Variants in DNAH8 observed in about 807,000 individuals in gnomAD.
DNAH8 encodes dynein axonemal heavy chain 8, also known as axonemal beta dynein heavy chain 8.
Under a neutral mutation model 562.1 loss-of-function variants are expected in DNAH8, and 382 were observed. The ratio of observed to expected loss-of-function variants is 0.68; its 90% CI spans 0.63 to 0.74. The LOEUF is 0.74. Ranked by LOEUF, DNAH8 falls within the 30% of genes least tolerant of loss-of-function variation. The pLI, the probability that DNAH8 is intolerant of heterozygous loss-of-function variation, is 0.00. For missense variants in DNAH8, 5,203 were observed against 5,620.4 expected (o/e 0.93, Z 2.37); for synonymous variants, 1,881 against 1,919.4 (o/e 0.98, Z 0.52).
At chr6:38,918,207 A>T in intron 70 of DNAH8, 67 bp downstream of exon 70, 1 of 1,170,992 alleles carries the variant, frequency 8.5e-7, no homozygotes, top group Non-Finnish European at 1.2e-6. Context: ...TATTACTGCT[A>T]TTAAAAGACA....
intron 8 of DNAH8, among the ~76,000 whole-genome samples, chr6:38,744,768 C>T (rs1467470665): frequency 6.6e-6 from 1 of 151,920 alleles, no homozygotes; most frequent in East Asian, 1.9e-4. Context: ...AATTTTTAAA[C>T]AATTTTTTTT....
At chr6:38,894,437 G>T (rs977738661) in intron 58 of DNAH8, among the ~76,000 whole-genome samples, 1 of 152,124 alleles carries the variant, frequency 6.6e-6, no homozygotes, top group African/African-American at 2.4e-5. Flanking sequence ...GCCAACTGAT[G>T]GTAGTAGAAC....
intron 82 of DNAH8, among the ~76,000 whole-genome samples, chr6:38,959,064 G>A (rs1762450456): frequency 6.6e-6 from 1 of 152,066 alleles, no homozygotes; most frequent in South Asian, 2.1e-4. Context: ...GAAAGAACTG[G>A]ATAAGATTCA....
intron 57 of DNAH8, among the ~76,000 whole-genome samples, chr6:38,888,946 T>A (rs1255964401): frequency 2.0e-5 from 3 of 152,258 alleles, no homozygotes; most frequent in Admixed American, 2.0e-4. Context: ...GAAGTCCTTT[T>A]CTATCCGGAC....
intron 28 of DNAH8, among the ~76,000 whole-genome samples, 177 bp downstream of exon 28, chr6:38,823,865 T>C (rs377324354): frequency 6.6e-6 from 1 of 152,194 alleles, no homozygotes. Context: ...AATATTATTA[T>C]ACCATTAAAA....
intron 42 of DNAH8, among the ~76,000 whole-genome samples, chr6:38,859,587 G>T (rs1646315656): frequency 6.6e-6 from 1 of 152,200 alleles, no homozygotes; most frequent in African/African-American, 2.4e-5. Flanking sequence ...CTCTGAATGG[G>T]CAGGACTGGT....
chr6:38,887,544 A>C lies in DNAH8; in HGVS notation c.8473+540A>C, dbSNP rs1779023968. Among the ~76,000 whole-genome samples the C allele has an allele frequency of 2.0e-5, 3 of 152,104 alleles. No individual in the cohort carries two copies. The South Asian group carries it at 6.2e-4, about 32-fold the overall frequency. On this transcript the variant is annotated intron_variant, in intron 57 of 92. Transcript: ENST00000327475. ...CTCATAGAGAGACCCCATTTCTACA[A>C]AAAATTTAAAACATTAGCTGGGCAT...
chr6:38,965,230 ATATAT>A (rs1479349632), intron 82 of DNAH8, among the ~76,000 whole-genome samples: 2 of 152,142 alleles, frequency 1.3e-5, no homozygotes, highest in South Asian at 2.1e-4. Context: ...GTGATATTCC[ATATAT>A]TATATAATAC....
chr6:39,011,051 C>T (rs998157309), intron 89 of DNAH8, among the ~76,000 whole-genome samples: 2 of 152,104 alleles, frequency 1.3e-5, no homozygotes, highest in Admixed American at 6.6e-5. Context: ...ATATAGTTTG[C>T]TCCACCCGCA....
chr6:38,847,258 C>A (rs570620270), intron 36 of DNAH8, among the ~76,000 whole-genome samples: 2 of 152,058 alleles, frequency 1.3e-5, no homozygotes, highest in African/African-American at 4.8e-5. Context: ...TAGCTATGCT[C>A]GATTTTATTT....
chr6:38,807,353 G>T (rs1270277493), intron 23 of DNAH8, among the ~76,000 whole-genome samples: 1 of 152,144 alleles, frequency 6.6e-6, no homozygotes, highest in African/African-American at 2.4e-5. Flanking sequence ...CATACTGTTT[G>T]TGAATTTTGG....
chr6:38,953,503 T>C (rs1408288957), intron 82 of DNAH8, among the ~76,000 whole-genome samples: 1 of 152,224 alleles, frequency 6.6e-6, no homozygotes, highest in Admixed American at 6.5e-5. Context: ...GGTTTCCGTT[T>C]CTTGGTCCTA....
chr6:38,747,384 C>CTTTTT (rs55729629), intron 8 of DNAH8, among the ~76,000 whole-genome samples: 42 of 113,596 alleles, frequency 3.7e-4, no homozygotes, highest in East Asian at 8.4e-4. Context: ...TTTTCTTTTT[C>CTTTTT]TTTTTTTTTT....
At chr6:38,971,810 G>C (rs1418063454) in intron 83 of DNAH8, 145 bp downstream of exon 83, 16 of 501,652 alleles carry the variant, frequency 3.2e-5, no homozygotes, top group Non-Finnish European at 5.4e-5. Context: ...CCTCAGTCTA[G>C]TTTCCTCCTG....
At position 38,852,737 on chromosome 6, in the gene DNAH8, T is replaced by C. The variant is rs750511268; in HGVS notation, c.5510T>C (p.Phe1837Ser). Residue 1837 changes from phenylalanine (F) to serine (S), a missense_variant, in exon 40 of 93, where the codon TTT becomes TCT. Around this residue, in one of 6 missense-constraint regions of DNAH8, gnomAD observed 2,176 missense variants for 2,365.1 expected, o/e 0.92. Transcript: ENST00000327475. ...AVSDNINEVT[F>S]HAKDYDRIMA... ...TCTGACAACATCAATGAGGTGACAT[T>C]TCATGCAAAAGACTATGATCGCATC... 4 of 1,613,802 alleles carry C rather than the reference T, an allele frequency of 2.5e-6. No homozygotes were observed. In the East Asian group the frequency reaches 8.9e-5, roughly 36 times the overall value.
At chr6:38,947,750 C>CT (rs34044479) in intron 80 of DNAH8, among the ~76,000 whole-genome samples, 45,469 of 146,612 alleles carry the variant, frequency 0.31, 7,179 homozygotes, top group African/African-American at 0.36. Context: ...AAATCCTCTT[C>CT]TTTTTTTTTT....
Position 38,846,173 on chromosome 6 carries a change from G to A in DNAH8, c.5045+400G>A, listed in dbSNP as rs577034903. Among the ~76,000 whole-genome samples the A allele has an allele frequency of 2.0e-5, 3 of 152,220 alleles. No individual in the cohort carries two copies. In the South Asian group the frequency reaches 6.2e-4, roughly 32 times the overall value. ...CCCGGGAAAAGCCTGCTGGCCACCCGTGAGAGCAATCTACCACTACAGCAA... is the reference window on the plus strand; with the variant it reads ...CCCGGGAAAAGCCTGCTGGCCACCCATGAGAGCAATCTACCACTACAGCAA... On this transcript the variant is annotated intron_variant, in intron 36 of 92. Coordinates refer to ENST00000327475, the MANE Select transcript of DNAH8 (RefSeq NM_001206927.2).
chr6:38,975,140 G>C (rs1253927854), intron 85 of DNAH8, among the ~76,000 whole-genome samples: 2 of 152,154 alleles, frequency 1.3e-5, no homozygotes, highest in Non-Finnish European at 2.9e-5. Flanking sequence ...GTCATTTGCT[G>C]TTTGCTTTTA....
At chr6:38,835,254 A>G (rs908229531) in intron 32 of DNAH8, among the ~76,000 whole-genome samples, 3 of 151,370 alleles carry the variant, frequency 2.0e-5, no homozygotes, top group Non-Finnish European at 2.9e-5. Flanking sequence ...CCTGTTTCCC[A>G]CAGTGGCTGA....
Sources: gnomAD v4.1 joint callset for allele counts (sites outside exome capture counted in the v4.1 genomes callset) on GRCh38, gnomAD v4.1.1 for gene constraint, gnomAD v4.1.1 regional missense constraint, MANE v1.5 for transcripts, NCBI Gene and HGNC (gene_info 2026-07-23, HGNC 2026-07-21) for gene names.